The following KDM1B variants were observed in gnomAD, a reference collection of about 807,000 sequenced individuals.
KDM1B encodes lysine-specific histone demethylase 2.
Under a neutral mutation model 107.4 loss-of-function variants are expected in KDM1B, and 63 were observed. That is an observed-to-expected ratio of 0.59 (90% CI 0.48 to 0.72). The LOEUF (loss-of-function observed/expected upper bound fraction) is 0.72, where lower values mean the gene tolerates loss of function less well. Ranked by LOEUF, KDM1B falls within the 30% of genes least tolerant of loss-of-function variation. The probability of loss-of-function intolerance (pLI) is 0.00; values close to 1 mark genes in which losing one functional copy is unlikely to be tolerated. For synonymous variants in KDM1B, 363 were observed against 363.9 expected, an observed-to-expected ratio of 1.00 and a Z score of 0.03; for missense variants, 749 against 1,020.8, an observed-to-expected ratio of 0.73 and a Z score of 3.63.
At position 18,212,379 on chromosome 6, in the gene KDM1B, G is replaced by A. The variant is rs1788910736; in HGVS notation, c.1867-109G>A. Reference sequence around the variant, plus strand: ...GTGAGCAACCTGCACAGTTGCACATGGCAGCCCTTGTTCTTGCCAGTATAA... The same window carrying A: ...GTGAGCAACCTGCACAGTTGCACATAGCAGCCCTTGTTCTTGCCAGTATAA... On this transcript the variant is annotated intron_variant, in intron 17 of 21. Transcript: ENST00000650836. This position sits in a 1 kb window ranked among gnomAD's most constrained non-coding sequence, Gnocchi z 5.2. 1.3e-6 allele frequency: 1 copy of A among 773,342 alleles called. No homozygotes were observed. The allele number at this position is 773,342 out of a possible 1,614,324, so 47.9% of individuals were successfully genotyped here.
intron 21 of KDM1B, among the ~76,000 whole-genome samples, chr6:18,218,583 C>A (rs114999149): frequency 6.6e-6 from 1 of 152,162 alleles, no homozygotes; most frequent in East Asian, 1.9e-4. Flanking sequence ...GTGTAAATGT[C>A]ATTTACTGCT....
intron 6 of KDM1B, among the ~76,000 whole-genome samples, chr6:18,170,085 A>G (rs1046792406): frequency 4.0e-5 from 6 of 151,410 alleles, no homozygotes; most frequent in Non-Finnish European, 8.8e-5. Context: ...ATTTTTTTAT[A>G]TTTTTAGTAG....
chr6:18,193,233 A>C (rs1174872534), intron 10 of KDM1B, among the ~76,000 whole-genome samples: 2 of 149,738 alleles, frequency 1.3e-5, no homozygotes, highest in African/African-American at 2.4e-5. Flanking sequence ...TATACTTAAT[A>C]CTATAGTGGG....
At position 18,191,178 on chromosome 6, in the gene KDM1B, C is replaced by T. The variant is rs1561932164; in HGVS notation, c.785-19C>T. ...GAAGTTACAGCTTGTAGGAGTTGCC[C>T]ATTTGTGTTACCTATCAGTTCCAGG... is the stretch of plus-strand genomic sequence containing the variant. On this transcript the variant is annotated intron_variant, in intron 9 of 21. Coordinates refer to ENST00000650836, the MANE Select transcript of KDM1B (RefSeq NM_001364614.2). This position sits in a 1 kb window ranked among gnomAD's most constrained non-coding sequence, Gnocchi z 5.1. 6.5e-7 allele frequency: 1 copy of T among 1,546,474 alleles called. No individual in the cohort carries two copies. Among genetic ancestry groups the T allele is most frequent in the Non-Finnish European group, 8.7e-7 (1 of 1,144,882 alleles).
chr6:18,163,644 T>C (rs746786881), intron 5 of KDM1B, among the ~76,000 whole-genome samples: 1 of 152,230 alleles, frequency 6.6e-6, no homozygotes, highest in Non-Finnish European at 1.5e-5. Context: ...GTTCAAAATA[T>C]TTTTAAATTT....
chr6:18,160,382 T>A (rs75407722), intron 3 of KDM1B, among the ~76,000 whole-genome samples: 28 of 152,294 alleles, frequency 1.8e-4, no homozygotes, highest in Non-Finnish European at 3.7e-4. Flanking sequence ...GCTTTTATTC[T>A]TTTAAAAGAA....
chr6:18,162,166 C>A lies in KDM1B; in HGVS notation c.216-669C>A, dbSNP rs959398892. On this transcript the variant is annotated intron_variant, in intron 4 of 21. Transcript: ENST00000650836. This position sits in a 1 kb window ranked among gnomAD's most constrained non-coding sequence, Gnocchi z 4.1. ...TGAAACCCTGTCTCTACTAAAAATA[C>A]ACAAATTAGCTGGGCACGGTGGCAG... is the stretch of plus-strand genomic sequence containing the variant. Among the ~76,000 whole-genome samples the A allele has an allele frequency of 6.6e-6, 1 of 151,928 alleles. No individual in the cohort carries two copies. The highest frequency in any genetic ancestry group is 1.5e-5 in the Non-Finnish European group (1 of 67,984).
In KDM1B at chr6:18,177,509, G is replaced by A. The variant is rs577957949; in HGVS notation, c.534+6030G>A. Among the ~76,000 whole-genome samples, 8 of 149,730 alleles carry A rather than the reference G, an allele frequency of 5.3e-5. No homozygotes were observed. In the South Asian group the frequency reaches 1.5e-3, roughly 28 times the overall value. On this transcript the variant is annotated intron_variant, in intron 7 of 21. Coordinates refer to ENST00000650836, the MANE Select transcript of KDM1B (RefSeq NM_001364614.2). ...CTTTCTTCTGCTGGGCTTGGGTTTG[G>A]TTTGTTCCTGTTTCTCTAGTTCCTT...
intron 7 of KDM1B, among the ~76,000 whole-genome samples, chr6:18,177,213 A>G (rs1018628803): frequency 6.6e-6 from 1 of 152,126 alleles, no homozygotes; most frequent in Non-Finnish European, 1.5e-5. Context: ...TTTTTCCAGG[A>G]ATTTGTCCAT....
At chr6:18,193,507 G>A (rs1163283747) in intron 10 of KDM1B, among the ~76,000 whole-genome samples, 3 of 151,532 alleles carry the variant, frequency 2.0e-5, no homozygotes, top group Admixed American at 6.6e-5. Flanking sequence ...TTGCTGTGTT[G>A]CCCAGGCTGT....
intron 15 of KDM1B, among the ~76,000 whole-genome samples, chr6:18,206,386 A>G (rs939676272): frequency 6.6e-6 from 1 of 151,792 alleles, no homozygotes; most frequent in East Asian, 2.0e-4. Flanking sequence ...GCTTAGTGGC[A>G]TGTGCCTGTA....
In KDM1B at chr6:18,197,393, A is replaced by C. The variant is rs1787719071; in HGVS notation, c.1146+160A>C. 6.6e-6 allele frequency among the ~76,000 whole-genome samples: 1 copy of C among 152,216 alleles called. No homozygotes were observed. Among genetic ancestry groups the C allele is most frequent in the African/African-American group, 2.4e-5 (1 of 41,450 alleles). ...TTCTCCTGAAAGGAGAATATCAAGC[A>C]CTCTTTCCCCAGATTGTAGGGAAAA... On this transcript the variant is annotated intron_variant, in intron 11 of 21. Transcript: ENST00000650836. The surrounding 1 kb of genome is among the most constrained non-coding windows in gnomAD (Gnocchi z 4.5).
At position 18,222,428 on chromosome 6, in the gene KDM1B, C is replaced by A. The variant is rs1789827945; in HGVS notation, c.*436C>A. Reference sequence around the variant, plus strand: ...TTCTTCTGTGACAATTTATCAGTATCTTTACCAATGAGCCTTAATTTTTAT... The same window carrying A: ...TTCTTCTGTGACAATTTATCAGTATATTTACCAATGAGCCTTAATTTTTAT... On this transcript the variant is annotated 3_prime_UTR_variant, in exon 22 of 22. Transcript: ENST00000650836. The A allele has an allele frequency of 6.7e-6, 2 of 297,972 alleles. No individual in the cohort carries two copies. The highest frequency in any genetic ancestry group is 6.6e-6 in the Non-Finnish European group (1 of 152,442). 18.5% of individuals were successfully genotyped at this position (297,972 alleles called of 1,614,324 possible). A position where few individuals can be genotyped will look rare whatever the true frequency, so the allele number is the denominator to read the frequency against.
At chr6:18,219,372 T>C (rs1789500955) in intron 21 of KDM1B, among the ~76,000 whole-genome samples, 1 of 152,238 alleles carries the variant, frequency 6.6e-6, no homozygotes, top group African/African-American at 2.4e-5. Flanking sequence ...TTTCTAGAGA[T>C]TCTGTTCCAT....
At chr6:18,193,562 A>G (rs1204691061) in intron 10 of KDM1B, among the ~76,000 whole-genome samples, 1 of 151,984 alleles carries the variant, frequency 6.6e-6, no homozygotes, top group Non-Finnish European at 1.5e-5. Context: ...TTGGCCTCCC[A>G]AAGTGCTGGA....
chr6:18,186,973 T>TAC lies in KDM1B; in HGVS notation c.574-793_574-792dup, dbSNP rs141222425. Reference sequence around the variant, plus strand: ...CAGTATGTATATATGTGTGTGTGTGTACACACACACACACACACACACACA... The same window carrying TAC: ...CAGTATGTATATATGTGTGTGTGTGTACACACACACACACACACACACACACA... On this transcript the variant is annotated intron_variant, in intron 8 of 21. Coordinates refer to ENST00000650836, the MANE Select transcript of KDM1B (RefSeq NM_001364614.2). The surrounding 1 kb of genome is among the most constrained non-coding windows in gnomAD (Gnocchi z 5.6). Among the ~76,000 whole-genome samples the TAC allele has an allele frequency of 0.063, 9,340 of 147,316 alleles. 300 individuals are homozygous for TAC. The highest frequency in any genetic ancestry group is 0.099 in the Middle Eastern group (29 of 292).
At chr6:18,218,317 TC>T (rs1163124420) in intron 21 of KDM1B, among the ~76,000 whole-genome samples, 2 of 151,560 alleles carry the variant, frequency 1.3e-5, no homozygotes, top group Non-Finnish European at 2.9e-5. Context: ...AGAGACGGGG[TC>T]CGCAGTGTTG....
chr6:18,180,699 G>A (rs1786401764), intron 7 of KDM1B, among the ~76,000 whole-genome samples: 1 of 152,124 alleles, frequency 6.6e-6, no homozygotes, highest in African/African-American at 2.4e-5. Flanking sequence ...CCGAGTAGCT[G>A]GAACTGCAGG....
At chr6:18,179,212 A>G (rs1786265338) in intron 7 of KDM1B, among the ~76,000 whole-genome samples, 1 of 152,168 alleles carries the variant, frequency 6.6e-6, no homozygotes, top group South Asian at 2.1e-4. Context: ...CCAATTTGGG[A>G]ATGTTGAATC....
Sources: gnomAD v4.1 joint callset for allele counts (sites outside exome capture counted in the v4.1 genomes callset) on GRCh38, gnomAD v4.1.1 for gene constraint, Gnocchi (gnomAD v3.1) non-coding constraint, MANE v1.5 for transcripts, NCBI Gene and HGNC (gene_info 2026-07-23, HGNC 2026-07-21) for gene names.